Variants in TSPAN5 observed in about 807,000 individuals in gnomAD.
The protein encoded by TSPAN5 is tetraspanin-5.
TSPAN5 carries 10 observed loss-of-function variants against 37.1 expected under a neutral mutation model. The ratio of observed to expected loss-of-function variants is 0.27; its 90% confidence interval spans 0.17 to 0.46. The LOEUF (loss-of-function observed/expected upper bound fraction) is 0.46. Among genes scored for constraint, TSPAN5 ranks in the 20% least tolerant of loss-of-function variants. The probability of loss-of-function intolerance (pLI) is 1.00; values close to 1 mark genes in which losing one functional copy is unlikely to be tolerated. For missense variants in TSPAN5, 195 were observed against 326.6 expected (o/e 0.60, Z 3.11); for synonymous variants, 110 against 118.9 (o/e 0.93, Z 0.48).
intron 2 of TSPAN5, among the ~76,000 whole-genome samples, chr4:98,507,464 G>A (rs1753503775): frequency 6.6e-6 from 1 of 152,134 alleles, no homozygotes; most frequent in South Asian, 2.1e-4. Context: ...CACGTGTATT[G>A]TTACTTCAGT....
At chr4:98,641,450 GC>G (rs1456128804) in intron 1 of TSPAN5, among the ~76,000 whole-genome samples, 1 of 152,100 alleles carries the variant, frequency 6.6e-6, no homozygotes, top group Non-Finnish European at 1.5e-5. Context: ...TAACTTAAAG[GC>G]CACATATGGA....
At chr4:98,519,878 C>T (rs919402976) in intron 1 of TSPAN5, among the ~76,000 whole-genome samples, 13 of 152,178 alleles carry the variant, frequency 8.5e-5, no homozygotes, top group African/African-American at 3.1e-4. Flanking sequence ...TTTAACTTGT[C>T]AGTCCTCTAC....
intron 2 of TSPAN5, among the ~76,000 whole-genome samples, chr4:98,490,723 T>C (rs1753066707): frequency 6.6e-6 from 1 of 152,224 alleles, no homozygotes; most frequent in Non-Finnish European, 1.5e-5. Context: ...TATCTACTTA[T>C]TTAAAATTAT....
At chr4:98,623,702 G>A (rs989690444) in intron 1 of TSPAN5, among the ~76,000 whole-genome samples, 2 of 152,134 alleles carry the variant, frequency 1.3e-5, no homozygotes, top group African/African-American at 2.4e-5. Context: ...AGCTCAGGCC[G>A]GTGGCCTTTT....
At position 98,623,072 on chromosome 4, in the gene TSPAN5, T is replaced by C. The variant is rs114082897; in HGVS notation, c.81+35074A>G. On this transcript the variant is annotated intron_variant, in intron 1 of 7. Coordinates refer to ENST00000305798, the MANE Select transcript of TSPAN5 (RefSeq NM_005723.4). ...ACATTTTTCCTTTTTAAAATTCCTT[T>C]CCTTTTTTAGGGGAGGGGAGGGTAG... Among the ~76,000 whole-genome samples, 318 of 152,328 alleles carry C rather than the reference T, an allele frequency of 2.1e-3. 1 individual carries two copies. The highest frequency in any genetic ancestry group is 7.2e-3 in the African/African-American group (301 of 41,580).
intron 1 of TSPAN5, among the ~76,000 whole-genome samples, chr4:98,643,095 C>T (rs1756992284): frequency 6.6e-6 from 1 of 152,206 alleles, no homozygotes; most frequent in Non-Finnish European, 1.5e-5. Context: ...AGAGCAACTT[C>T]CAGTCCTGCA....
At chr4:98,548,011 C>CAAA (rs535093440) in intron 1 of TSPAN5, among the ~76,000 whole-genome samples, 18 of 88,966 alleles carry the variant, frequency 2.0e-4, no homozygotes, top group South Asian at 4.6e-4. Context: ...GACTCTGTCT[C>CAAA]AAAAAAAAAA....
intron 1 of TSPAN5, among the ~76,000 whole-genome samples, chr4:98,598,142 C>T (rs1274119377): frequency 7.9e-6 from 1 of 126,842 alleles, no homozygotes; most frequent in Non-Finnish European, 1.6e-5. Flanking sequence ...TCTCGTGGTG[C>T]GCCATTTCTT....
chr4:98,532,707 G>T (rs1308712146), intron 1 of TSPAN5, among the ~76,000 whole-genome samples: 1 of 152,128 alleles, frequency 6.6e-6, no homozygotes, highest in Non-Finnish European at 1.5e-5. Context: ...GAGTGCCCTG[G>T]CCAGAACTTC....
At chr4:98,526,173 ACC>A (rs1435848934) in intron 1 of TSPAN5, among the ~76,000 whole-genome samples, 1 of 152,230 alleles carries the variant, frequency 6.6e-6, no homozygotes, top group Non-Finnish European at 1.5e-5. Flanking sequence ...TTGCTCAAAC[ACC>A]GTTAGAACTG....
intron 2 of TSPAN5, among the ~76,000 whole-genome samples, chr4:98,504,549 C>T (rs991243848): frequency 3.9e-5 from 6 of 152,190 alleles, no homozygotes; most frequent in Non-Finnish European, 8.8e-5. Context: ...TACCTTTGTG[C>T]TCTTGCCCCA....
chr4:98,533,131 G>A (rs1309135009), intron 1 of TSPAN5, among the ~76,000 whole-genome samples: 2 of 152,176 alleles, frequency 1.3e-5, no homozygotes, highest in African/African-American at 4.8e-5. Flanking sequence ...GTTCATCAGA[G>A]ATATTGGCCT....
rs1251167983 is a variant in TSPAN5, at chr4:98,476,242, G to C, written c.688C>G (p.Gln230Glu). The C allele has an allele frequency of 1.9e-6, 3 of 1,614,198 alleles. No individual in the cohort carries two copies. The highest frequency in any genetic ancestry group is 2.5e-6 in the Non-Finnish European group (3 of 1,180,034). Residue 230 changes from glutamine to glutamate, a missense_variant, in exon 7 of 8, where the codon CAG (glutamine) becomes GAG (glutamate). By Grantham distance (29) the Gln-to-Glu change is conservative. Transcript: ENST00000305798. ...CCAGCAACGATGGTTAAATTGTCCT[G>C]CAACCACTTCTCAAACTGGGGCACA... is the stretch of plus-strand genomic sequence containing the variant. ...GCVPQFEKWL[Q>E]DNLTIVAGIF... is the part of the protein sequence containing the mutation.
rs1373435626 is a variant in TSPAN5 at position 98,471,161 on chromosome 4, T to C, written c.*1361A>G. 3 of 152,368 alleles carry C rather than the reference T, an allele frequency of 2.0e-5. No homozygotes were observed. The East Asian group carries it at 5.8e-4, about 29-fold the overall frequency. The allele number at this position is 152,368 out of a possible 1,614,324, so 9.4% of individuals were successfully genotyped here. On this transcript the variant is annotated 3_prime_UTR_variant, in exon 8 of 8. Transcript: ENST00000305798. ...TATTTGTGCTTTGATACCATCCTGATGGTTAGTCTGCAATAAGAGAACTGA... is the reference window on the plus strand; with the variant it reads ...TATTTGTGCTTTGATACCATCCTGACGGTTAGTCTGCAATAAGAGAACTGA...
At chr4:98,555,962 T>C (rs1220882293) in intron 1 of TSPAN5, among the ~76,000 whole-genome samples, 2 of 144,804 alleles carry the variant, frequency 1.4e-5, no homozygotes, top group Admixed American at 7.1e-5. Flanking sequence ...GAAAAATCAC[T>C]CCACACACGC....
chr4:98,490,093 T>G (rs980215541), intron 2 of TSPAN5, among the ~76,000 whole-genome samples: 5 of 152,210 alleles, frequency 3.3e-5, no homozygotes, highest in Admixed American at 2.6e-4. Context: ...TTTGAGACCG[T>G]TCTATGATTT....
At chr4:98,504,370 G>A (rs1753427187) in intron 2 of TSPAN5, among the ~76,000 whole-genome samples, 1 of 152,132 alleles carries the variant, frequency 6.6e-6, no homozygotes, top group Non-Finnish European at 1.5e-5. Context: ...CAGAGGCCTG[G>A]CCGAACTCAG....
chr4:98,611,513 G>T (rs1456264145), intron 1 of TSPAN5, among the ~76,000 whole-genome samples: 3 of 152,158 alleles, frequency 2.0e-5, no homozygotes, highest in Middle Eastern at 3.2e-3. Flanking sequence ...GCTGAAATGT[G>T]AGCTCAGCAT....
chr4:98,618,760 AT>A (rs1401179079), intron 1 of TSPAN5, among the ~76,000 whole-genome samples: 1 of 152,192 alleles, frequency 6.6e-6, no homozygotes, highest in Non-Finnish European at 1.5e-5. Flanking sequence ...CTGCATTTTA[AT>A]TTAGTAAGCA....
Sources: allele counts gnomAD v4.1 joint callset (sites outside exome capture counted in the v4.1 genomes callset), GRCh38; gene constraint gnomAD v4.1.1; transcripts MANE v1.5; gene names NCBI Gene and HGNC (gene_info 2026-07-23, HGNC 2026-07-21).